TUBGCP3: variants seen among roughly 807,000 people sequenced by gnomAD.
The protein encoded by TUBGCP3 is tubulin gamma complex component 3.
Under a neutral mutation model 123.1 loss-of-function variants are expected in TUBGCP3, and 50 were observed. The observed-to-expected ratio is 0.41, with a 90% CI of 0.32 to 0.51. The LOEUF (loss-of-function observed/expected upper bound fraction) is 0.51, where lower values mean the gene tolerates loss of function less well. Among genes scored for constraint, TUBGCP3 ranks in the 20% least tolerant of loss-of-function variants. TUBGCP3 has a pLI of 0.36. For synonymous variants in TUBGCP3, 405 were observed against 413.9 expected (o/e 0.98, Z 0.26); for missense variants, 882 against 1,127.0 (o/e 0.78, Z 3.11).
Position 112,500,379 on chromosome 13 carries a change from G to A in TUBGCP3, c.2308-1194C>T, listed in dbSNP as rs542986036. Among the ~76,000 whole-genome samples, 14 of 152,268 alleles carry A rather than the reference G, an allele frequency of 9.2e-5. No individual in the cohort carries two copies. The South Asian group carries it at 2.9e-3, about 32-fold the overall frequency. ...CATTTTAACGTCAGGAATAAGACTG[G>A]GATTCCCTTTGTGCTTAGAGTCAGC... is the stretch of plus-strand genomic sequence containing the variant. On this transcript the variant is annotated intron_variant, in intron 19 of 21. Coordinates refer to ENST00000261965, the MANE Select transcript of TUBGCP3 (RefSeq NM_006322.6).
chr13:112,592,788 C>T (rs1294959809), upstream of TUBGCP3, among the ~76,000 whole-genome samples: 4 of 152,128 alleles, frequency 2.6e-5, no homozygotes, highest in Admixed American at 6.5e-5. This position sits in a 1 kb window ranked among gnomAD's most constrained non-coding sequence, Gnocchi z 4.1. Flanking sequence ...GGTCCTTCCC[C>T]GCAACAGCCT....
At chr13:112,490,340 C>T (rs371421322) in intron 20 of TUBGCP3, among the ~76,000 whole-genome samples, 139 of 152,338 alleles carry the variant, frequency 9.1e-4, no homozygotes, top group African/African-American at 3.1e-3. Context: ...ACTGCAACCT[C>T]GGCCTCCTGG....
intron 11 of TUBGCP3, among the ~76,000 whole-genome samples, chr13:112,538,581 G>A (rs1878255119): frequency 6.6e-6 from 1 of 152,158 alleles, no homozygotes; most frequent in African/African-American, 2.4e-5. Flanking sequence ...TGCCCCACTA[G>A]TGAGTTCATT....
chr13:112,496,413 T>C (rs1367465847), intron 20 of TUBGCP3, among the ~76,000 whole-genome samples: 2 of 152,198 alleles, frequency 1.3e-5, no homozygotes, highest in Non-Finnish European at 2.9e-5. Context: ...CTGTCATCTT[T>C]CCAGGAGGCG....
At position 112,538,761 on chromosome 13, in the gene TUBGCP3, T is replaced by C. The variant is rs1878269356; in HGVS notation, c.1335+6938A>G. On this transcript the variant is annotated intron_variant, in intron 11 of 21. Transcript: ENST00000261965. ...AGATTATAAAGCTCACTTATAACTA[T>C]TTAGAGTTAACCACACACTTGAAAA... 2.0e-5 allele frequency among the ~76,000 whole-genome samples: 3 copies of C among 152,312 alleles called. No individual in the cohort carries two copies. In the South Asian group the frequency reaches 6.2e-4, roughly 32 times the overall value.
chr13:112,581,651 G>T (rs1195681729), intron 1 of TUBGCP3, among the ~76,000 whole-genome samples: 1 of 152,056 alleles, frequency 6.6e-6, no homozygotes, highest in African/African-American at 2.4e-5. Context: ...TTACCATGTT[G>T]CCCAGGCTGG....
At chr13:112,525,535 T>G (rs564205393) in intron 13 of TUBGCP3, among the ~76,000 whole-genome samples, 1 of 152,202 alleles carries the variant, frequency 6.6e-6, no homozygotes, top group Non-Finnish European at 1.5e-5. Context: ...AGTAAATCTT[T>G]TGAATGAACC....
At chr13:112,551,240 G>A (rs1213074307) in intron 8 of TUBGCP3, among the ~76,000 whole-genome samples, 9 of 152,236 alleles carry the variant, frequency 5.9e-5, no homozygotes, top group African/African-American at 1.2e-4. Context: ...CAGGCAGAGC[G>A]CGGCAGCGCC....
At chr13:112,498,211 C>G (rs940386795) in intron 20 of TUBGCP3, among the ~76,000 whole-genome samples, 1 of 152,136 alleles carries the variant, frequency 6.6e-6, no homozygotes, top group African/African-American at 2.4e-5. Context: ...ATTTTTTCTA[C>G]TTTAACGATG....
intron 1 of TUBGCP3, among the ~76,000 whole-genome samples, chr13:112,578,077 T>C (rs1881971536): frequency 6.6e-6 from 1 of 152,116 alleles, no homozygotes; most frequent in Non-Finnish European, 1.5e-5. Flanking sequence ...CTAAAATCCC[T>C]TGAGGCCTTT....
At chr13:112,531,445 C>T (rs1043466384) in intron 11 of TUBGCP3, among the ~76,000 whole-genome samples, 8 of 152,178 alleles carry the variant, frequency 5.3e-5, no homozygotes, top group Non-Finnish European at 8.8e-5. Flanking sequence ...TGAGTAATCT[C>T]GGCAGTGACG....
chr13:112,547,363 T>C (rs974973312), intron 10 of TUBGCP3: 3 of 476,964 alleles, frequency 6.3e-6, no homozygotes, highest in African/African-American at 6.0e-5. Context: ...CACTGGCAAG[T>C]GGTTACGTCC....
chr13:112,580,046 T>A (rs768620870), intron 1 of TUBGCP3, among the ~76,000 whole-genome samples: 4 of 152,184 alleles, frequency 2.6e-5, no homozygotes, highest in Non-Finnish European at 4.4e-5. Flanking sequence ...TCAAACGCGT[T>A]ATACTAAGTG....
chr13:112,520,962 G>A (rs950199628), intron 14 of TUBGCP3, among the ~76,000 whole-genome samples: 3 of 152,196 alleles, frequency 2.0e-5, no homozygotes, highest in Non-Finnish European at 4.4e-5. Flanking sequence ...ACGACATTGA[G>A]GAGAAATGAA....
intron 20 of TUBGCP3, 124 bp downstream of exon 20, chr13:112,498,921 A>C: frequency 6.2e-7 from 1 of 1,614,028 alleles, no homozygotes; most frequent in South Asian, 1.1e-5. Flanking sequence ...CAAACGCAGT[A>C]TAGGCACATC....
chr13:112,520,823 GGGGGT>G (rs1876556331), intron 14 of TUBGCP3, among the ~76,000 whole-genome samples: 1 of 152,120 alleles, frequency 6.6e-6, no homozygotes, highest in East Asian at 1.9e-4. Flanking sequence ...GTCTCTAATC[GGGGGT>G]GACCAAGTTA....
At chr13:112,577,184 G>C (rs918098158) in intron 1 of TUBGCP3, among the ~76,000 whole-genome samples, 2 of 152,112 alleles carry the variant, frequency 1.3e-5, no homozygotes, top group Non-Finnish European at 2.9e-5. Context: ...TCATAAGTGT[G>C]GGCTGGGCAC....
intron 10 of TUBGCP3, chr13:112,546,645 C>T (rs1879018357): frequency 6.6e-6 from 1 of 152,310 alleles, no homozygotes; most frequent in Non-Finnish European, 1.5e-5. Flanking sequence ...CCCTACAGCA[C>T]CAAGGCCAAG....
rs376615868 is a variant in TUBGCP3, at chr13:112,558,383, C to T, written c.361G>A (p.Ala121Thr). 5.0e-6 allele frequency: 8 copies of T among 1,590,674 alleles called. No individual in the cohort carries two copies. In the African/African-American group the frequency reaches 9.4e-5, roughly 19 times the overall value. ...VSSYATLFAQALPRDAHSTPY... is the reference protein window; with the variant it reads ...VSSYATLFAQTLPRDAHSTPY... The stretch of plus-strand genomic sequence containing the variant: ...GTTGAGTGGGCATCTCTTGGTAAGG[C>T]CTGAGCAAATAACGTAGCATAGCTA... Residue 121 changes from alanine (A) to threonine (T), a missense_variant, in exon 5 of 22, where the codon GCC becomes ACC. By Grantham distance (58) the Ala-to-Thr change is moderately conservative. Transcript: ENST00000261965.
Sources: allele counts gnomAD v4.1 joint callset (sites outside exome capture counted in the v4.1 genomes callset), GRCh38; gene constraint gnomAD v4.1.1; non-coding constraint Gnocchi (gnomAD v3.1); transcripts MANE v1.5; gene names NCBI Gene and HGNC (gene_info 2026-07-23, HGNC 2026-07-21).